The following MROH2A variants were observed in gnomAD, a reference collection of about 807,000 sequenced individuals.
MROH2A encodes the protein maestro heat like repeat family member 2A, also known as maestro heat-like repeat-containing protein family member 2A.
MROH2A carries 174 observed loss-of-function variants against 200.4 expected under a neutral mutation model. The ratio of observed to expected loss-of-function variants is 0.87; its 90% CI spans 0.77 to 0.98. MROH2A has a LOEUF of 0.98. MROH2A is among the 50% of genes least tolerant of loss of function. The probability of loss-of-function intolerance (pLI) is 0.00; values close to 1 mark genes in which losing one functional copy is unlikely to be tolerated. For missense variants in MROH2A, 2,045 were observed against 2,139.6 expected (o/e 0.96, Z 0.87); for synonymous variants, 829 against 840.4 (o/e 0.99, Z 0.23).
At position 233,831,503 on chromosome 2, in the gene MROH2A, A is replaced by C; in HGVS notation, c.4697A>C (p.Lys1566Thr). The C allele has an allele frequency of 6.4e-7, 1 of 1,550,410 alleles. No homozygotes were observed. The highest frequency in any genetic ancestry group is 8.7e-7 in the Non-Finnish European group (1 of 1,146,922). ...SGPSDTATDD[K>T]MTVFQTTMCS... ...CCAAGTGATACCGCTACTGATGACA[A>C]GATGACCGTTTTCCAGACAACCATG... The change falls in exon 39 of 42, where the codon AAG (lysine) becomes ACG (threonine). Residue 1566 changes from lysine to threonine, a missense_variant. Physicochemically the swap from Lys to Thr is moderately conservative, Grantham distance 78. Transcript: ENST00000389758.
intron 34 of MROH2A, 125 bp from the exon 35 acceptor site, chr2:233,823,431 C>G: frequency 8.4e-7 from 1 of 1,192,838 alleles, no homozygotes; most frequent in East Asian, 2.6e-5. Flanking sequence ...AGAGATGTTA[C>G]GACATCTTTC....
chr2:233,824,490 T>C (rs891473010), intron 35 of MROH2A, among the ~76,000 whole-genome samples: 3 of 152,234 alleles, frequency 2.0e-5, no homozygotes, highest in East Asian at 1.9e-4. Context: ...TGCTCCCTCG[T>C]TGTCTCACCC....
chr2:233,793,642 G>A lies in MROH2A; in HGVS notation c.671-31G>A, dbSNP rs897111607. On this transcript the variant is annotated intron_variant, in intron 6 of 41. Transcript: ENST00000389758. ...TGGTTCTGCTTCCAGCCCCTCTGGC[G>A]CCAAGTGCATTCCCCTGTTGCTGTT... is the stretch of plus-strand genomic sequence containing the variant. 3.3e-5 allele frequency: 44 copies of A among 1,342,530 alleles called. No individual in the cohort carries two copies. In the Admixed American group the frequency reaches 5.5e-4, roughly 17 times the overall value. 83.2% of individuals were successfully genotyped at this position (1,342,530 alleles called of 1,614,324 possible). A position where few individuals can be genotyped will look rare whatever the true frequency, so the allele number is the denominator to read the frequency against.
At chr2:233,779,110 T>C (rs1240319866) in intron 1 of MROH2A, among the ~76,000 whole-genome samples, 2 of 152,372 alleles carry the variant, frequency 1.3e-5, no homozygotes, top group East Asian at 3.9e-4. Flanking sequence ...AGAGGGAATC[T>C]CATGTGGCAT....
In MROH2A at chr2:233,816,771, C is replaced by T; in HGVS notation, c.2857-10C>T. 6.5e-7 allele frequency: 1 copy of T among 1,545,728 alleles called. No homozygotes were observed. ...AACACCCACTTTGGTGTTCTGGGCT[C>T]TACCCATAGCTCCTGGAAAAGTGGA... On this transcript the variant is annotated splice_polypyrimidine_tract_variant and intron_variant, in intron 26 of 41. Coordinates refer to ENST00000389758, the MANE Select transcript of MROH2A (RefSeq NM_001394639.1).
intron 22 of MROH2A, 30 bp downstream of exon 22, chr2:233,809,308 C>A (rs1398605881): frequency 6.5e-7 from 1 of 1,543,804 alleles, no homozygotes; most frequent in Admixed American, 2.0e-5. Flanking sequence ...GGGGGGATGT[C>A]TTCTGGACCA....
In MROH2A at chr2:233,810,874, C is replaced by T; in HGVS notation, c.2529C>T (p.Asp843=). The T allele has an allele frequency of 6.4e-7, 1 of 1,550,444 alleles. No homozygotes were observed. Among genetic ancestry groups the T allele is most frequent in the Non-Finnish European group, 8.7e-7 (1 of 1,146,886 alleles). The change falls in exon 23 of 42, where the codon GAC becomes GAT. Residue 843 remains aspartate, a synonymous_variant. Transcript: ENST00000389758. ...TCAACAACATCAAGGACCTGGAGGA[C>T]TTTCACTTTGCCCAGAAGACGACTC... The part of the protein sequence containing the change: ...KAINNIKDLE[D]FHFAQKTTLT...
Position 233,820,301 on chromosome 2 carries a change from C to G in MROH2A, c.3512+245C>G, listed in dbSNP as rs895093083. On this transcript the variant is annotated intron_variant, in intron 31 of 41. Coordinates refer to ENST00000389758, the MANE Select transcript of MROH2A (RefSeq NM_001394639.1). This position sits in a 1 kb window ranked among gnomAD's most constrained non-coding sequence, Gnocchi z 4.1. ...ATCTGGACCCGTAGCTCCCCACATG[C>G]CCGGGACAGTGTCTGTGGAGTTCAT... is the stretch of plus-strand genomic sequence containing the variant. 2.0e-5 allele frequency among the ~76,000 whole-genome samples: 3 copies of G among 151,936 alleles called. No homozygotes were observed. The highest frequency in any genetic ancestry group is 2.9e-5 in the Non-Finnish European group (2 of 68,020).
At position 233,832,563 on chromosome 2, in the gene MROH2A, T is replaced by G; in HGVS notation, c.4838-16T>G. The G allele has an allele frequency of 6.5e-7, 1 of 1,535,332 alleles. No individual in the cohort carries two copies. The highest frequency in any genetic ancestry group is 8.8e-7 in the Non-Finnish European group (1 of 1,133,100). On this transcript the variant is annotated splice_polypyrimidine_tract_variant and intron_variant, in intron 40 of 41. Transcript: ENST00000389758. ...TAATACTCGCGTGATGAGCATTTCT[T>G]TGGCTATTGTTTTAGGAATTATTAT...
chr2:233,810,880 C>G lies in MROH2A; in HGVS notation c.2535C>G (p.His845Gln), dbSNP rs576708238. 97 of 1,550,448 alleles carry G rather than the reference C, an allele frequency of 6.3e-5. No individual in the cohort carries two copies. The African/African-American group carries it at 9.4e-4, about 15-fold the overall frequency. The change falls in exon 23 of 42, where the codon CAC (histidine) becomes CAG (glutamine). Residue 845 changes from histidine to glutamine, a missense_variant. Physicochemically the swap from His to Gln is conservative, Grantham distance 24. Coordinates refer to ENST00000389758, the MANE Select transcript of MROH2A (RefSeq NM_001394639.1). ...INNIKDLEDF[H>Q]FAQKTTLTSI... ...ACATCAAGGACCTGGAGGACTTTCA[C>G]TTTGCCCAGAAGACGACTCTTACCA...
chr2:233,822,365 C>A lies in MROH2A; in HGVS notation c.3675C>A (p.Thr1225=). 6.4e-7 allele frequency: 1 copy of A among 1,550,922 alleles called. No individual in the cohort carries two copies. Among genetic ancestry groups the A allele is most frequent in the Non-Finnish European group, 8.7e-7 (1 of 1,147,022 alleles). The part of the protein sequence containing the change: ...WRLAAVDPLM[T]LCTIHLLIQK... ...TGCCCTGGACCTTCTCTCTGCAGAC[C>A]CTGTGCACCATCCACCTTCTCATTC... is the stretch of plus-strand genomic sequence containing the variant. The change falls in exon 33 of 42, where the codon ACC becomes ACA. Residue 1225 remains threonine (T), a splice_region_variant and synonymous_variant. Coordinates refer to ENST00000389758, the MANE Select transcript of MROH2A (RefSeq NM_001394639.1).
chr2:233,802,309 AG>A lies in MROH2A; in HGVS notation c.1704del (p.Arg568SerfsTer18), dbSNP rs1702524174. 1 of 1,549,414 alleles carries A rather than the reference AG, an allele frequency of 6.5e-7. No homozygotes were observed. The highest frequency in any genetic ancestry group is 1.4e-5 in the African/African-American group (1 of 72,982). On this transcript the variant is annotated frameshift_variant, in exon 15 of 42. Transcript: ENST00000389758. LOFTEE classifies it high-confidence loss of function. Reference protein sequence around the residue: ...DVDVSVAGKSRQVDLPAPQKL... With the variant: ...DVDVSVAGKSXQVDLPAPQKL... ...GGATGTCAGCGTGGCTGGCAAGAGC[AG>A]GCAAGGTGGGCAAAGTTCCTGTCCA...
chr2:233,795,286 A>G (rs1702032922), intron 8 of MROH2A, among the ~76,000 whole-genome samples: 1 of 152,088 alleles, frequency 6.6e-6, no homozygotes, highest in East Asian at 1.9e-4. Flanking sequence ...ATCTATAAGG[A>G]GGGTGTGGGT....
intron 8 of MROH2A, among the ~76,000 whole-genome samples, chr2:233,795,089 T>C (rs892971475): frequency 6.6e-6 from 1 of 152,176 alleles, no homozygotes; most frequent in East Asian, 1.9e-4. Flanking sequence ...CCTGAACTAA[T>C]TCCATCACAA....
At position 233,828,744 on chromosome 2, in the gene MROH2A, G is replaced by A. The variant is rs28900693; in HGVS notation, c.4228G>A (p.Ala1410Thr). The part of the protein sequence containing the change: ...DEALRVLSLR[A>T]LGNMALGAPK... ...GGCCCTGCGGGTGCTGTCCCTGCGC[G>A]CCCTCGGCAACATGGCCCTGGGCGC... Residue 1410 changes from alanine (A) to threonine (T), a missense_variant, in exon 36 of 42, where the codon GCC becomes ACC. By Grantham distance (58) the Ala-to-Thr change is moderately conservative (BLOSUM62 0). Coordinates refer to ENST00000389758, the MANE Select transcript of MROH2A (RefSeq NM_001394639.1). The surrounding 1 kb of genome is among the most constrained non-coding windows in gnomAD (Gnocchi z 4.6). 2,597 of 1,550,494 alleles carry A rather than the reference G, an allele frequency of 1.7e-3. 53 individuals carry two copies. The East Asian group carries it at 0.047, about 28-fold the overall frequency.
intron 28 of MROH2A, among the ~76,000 whole-genome samples, chr2:233,818,350 G>A (rs1290319359): frequency 6.6e-6 from 1 of 152,184 alleles, no homozygotes; most frequent in Admixed American, 6.5e-5. Context: ...GACCCATGGA[G>A]GGCATGTGCT....
intron 23 of MROH2A, among the ~76,000 whole-genome samples, chr2:233,811,469 G>C (rs774837878): frequency 2.6e-5 from 4 of 152,206 alleles, no homozygotes; most frequent in Non-Finnish European, 5.9e-5. Context: ...AGGGACATGA[G>C]ATTGGGTGGA....
rs1336438943 is a variant in MROH2A at position 233,829,729 on chromosome 2, T to TC, written c.4561dup (p.Leu1521ProfsTer40). On this transcript the variant is annotated frameshift_variant, in exon 38 of 42. Coordinates refer to ENST00000389758, the MANE Select transcript of MROH2A (RefSeq NM_001394639.1). LOFTEE classifies it high-confidence loss of function. The stretch of plus-strand genomic sequence containing the variant: ...AAAGGGGAGGTGAAGAAGGCCTGGA[T>TC]CCCCCTCATGCTGCACTCCCAGGAC... 1 of 1,484,238 alleles carries TC rather than the reference T, an allele frequency of 6.7e-7. No individual in the cohort carries two copies. The highest frequency in any genetic ancestry group is 9.0e-7 in the Non-Finnish European group (1 of 1,114,110). 91.9% of individuals were successfully genotyped at this position (1,484,238 alleles called of 1,614,324 possible).
chr2:233,807,731 A>G lies in MROH2A; in HGVS notation c.2173-2A>G, dbSNP rs1702896556. 3.2e-6 allele frequency: 5 copies of G among 1,550,638 alleles called. No homozygotes were observed. Among genetic ancestry groups the G allele is most frequent in the Non-Finnish European group, 4.4e-6 (5 of 1,146,994 alleles). On this transcript the variant is annotated splice_acceptor_variant, in intron 20 of 41. Transcript: ENST00000389758. LOFTEE classifies it high-confidence loss of function. This position sits in a 1 kb window ranked among gnomAD's most constrained non-coding sequence, Gnocchi z 4.3. ...ACCCTGGCTGGCTGGGTCTCCCTGC[A>G]GGGTGTGATTATGTGCTTTGGCCTG...
Sources: allele counts gnomAD v4.1 joint callset (sites outside exome capture counted in the v4.1 genomes callset), GRCh38; gene constraint gnomAD v4.1.1; non-coding constraint Gnocchi (gnomAD v3.1); transcripts MANE v1.5; gene names NCBI Gene and HGNC (gene_info 2026-07-23, HGNC 2026-07-21).